The following HDAC9 variants were observed in gnomAD, a reference collection of about 807,000 sequenced individuals.
HDAC9 encodes MEF-2 interacting transcription repressor (MITR) protein.
Under a neutral mutation model 139.4 loss-of-function variants are expected in HDAC9, and 41 were observed. The ratio of observed to expected loss-of-function variants is 0.29; its 90% confidence interval spans 0.23 to 0.38. HDAC9 has a LOEUF of 0.38. HDAC9 is among the 10% of genes least tolerant of loss of function. The pLI, the probability that HDAC9 is intolerant of heterozygous loss-of-function variation, is 1.00. For synonymous variants in HDAC9, 517 were observed against 476.2 expected (o/e 1.09, Z -1.12); for missense variants, 1,147 against 1,297.0 (o/e 0.88, Z 1.78).
At chr7:18,667,311 AAC>A (rs1365002479) in intron 12 of HDAC9, 1 of 984,960 alleles carries the variant, frequency 1.0e-6, no homozygotes, top group East Asian at 1.1e-4. Flanking sequence ...AATTGCAAAA[AAC>A]ACAGTAACAG....
chr7:18,462,257 CT>C (rs1793916722), intron 1 of HDAC9, among the ~76,000 whole-genome samples: 1 of 152,078 alleles, frequency 6.6e-6, no homozygotes, highest in Admixed American at 6.6e-5. Flanking sequence ...CACACAGCCT[CT>C]TAGCTTCTTT....
At chr7:18,802,015 C>A (rs1047989899) in intron 17 of HDAC9, among the ~76,000 whole-genome samples, 1 of 151,680 alleles carries the variant, frequency 6.6e-6, no homozygotes, top group Non-Finnish European at 1.5e-5. Flanking sequence ...CAAACTTTGG[C>A]CTTTGTAGAT....
chr7:18,656,763 C>T (rs970437133), intron 11 of HDAC9, among the ~76,000 whole-genome samples: 21 of 152,106 alleles, frequency 1.4e-4, no homozygotes, highest in African/African-American at 5.1e-4. Flanking sequence ...GCAGATATCT[C>T]TTTGATATAC....
chr7:18,601,349 A>G (rs1454792741), intron 6 of HDAC9, among the ~76,000 whole-genome samples: 1 of 152,114 alleles, frequency 6.6e-6, no homozygotes, highest in Non-Finnish European at 1.5e-5. Flanking sequence ...CAGCTTATTC[A>G]TTGCCAGAGT....
At chr7:18,131,782 A>G (rs111633963) in intron 1 of HDAC9, among the ~76,000 whole-genome samples, 1 of 152,176 alleles carries the variant, frequency 6.6e-6, no homozygotes, top group African/African-American at 2.4e-5. Flanking sequence ...ACACTCCCTC[A>G]TGGAGAGCAG....
chr7:18,276,387 A>G (rs1796721541), intron 2 of HDAC9, among the ~76,000 whole-genome samples: 1 of 152,186 alleles, frequency 6.6e-6, no homozygotes, highest in Non-Finnish European at 1.5e-5. Flanking sequence ...AAAAACACAA[A>G]ACCTCCTATT....
chr7:18,846,527 C>T (rs774225108), intron 21 of HDAC9, among the ~76,000 whole-genome samples: 2 of 152,194 alleles, frequency 1.3e-5, no homozygotes, highest in African/African-American at 2.4e-5. Context: ...GCCATTAGAA[C>T]ATAATTACAT....
At chr7:18,987,718 G>A (rs1273926350) in intron 25 of HDAC9, among the ~76,000 whole-genome samples, 3 of 151,830 alleles carry the variant, frequency 2.0e-5, no homozygotes, top group East Asian at 3.9e-4. Context: ...TGGTTGGTAA[G>A]CTATTGATTA....
chr7:18,918,426 G>C (rs190121577), intron 22 of HDAC9, among the ~76,000 whole-genome samples: 83 of 152,038 alleles, frequency 5.5e-4, no homozygotes, highest in African/African-American at 1.8e-3. Context: ...AGATAAAACT[G>C]TTAATAACAG....
At chr7:18,980,714 C>T (rs1784860879) in intron 25 of HDAC9, among the ~76,000 whole-genome samples, 1 of 139,786 alleles carries the variant, frequency 7.2e-6, no homozygotes, top group Non-Finnish European at 1.6e-5. Context: ...CTTCCTTCTT[C>T]CTCTTCTTCT....
At chr7:18,544,598 G>A (rs1407656907) in intron 2 of HDAC9, among the ~76,000 whole-genome samples, 1 of 152,156 alleles carries the variant, frequency 6.6e-6, no homozygotes, top group Non-Finnish European at 1.5e-5. Flanking sequence ...TCTGAGGTCT[G>A]AACTCTGGGA....
intron 12 of HDAC9, among the ~76,000 whole-genome samples, chr7:18,678,788 G>C (rs965815965): frequency 2.0e-5 from 3 of 151,750 alleles, no homozygotes; most frequent in Non-Finnish European, 4.4e-5. Context: ...ATATTTTCCT[G>C]TTCTGTTTAA....
At chr7:18,091,043 A>G (rs1369403915) in intron 1 of HDAC9, among the ~76,000 whole-genome samples, 1 of 152,242 alleles carries the variant, frequency 6.6e-6, no homozygotes, top group Non-Finnish European at 1.5e-5. Flanking sequence ...AGAAGGAAGC[A>G]TTGTAATTCT....
At chr7:18,989,929 G>A (rs1225458189) in intron 25 of HDAC9, among the ~76,000 whole-genome samples, 5 of 151,546 alleles carry the variant, frequency 3.3e-5, no homozygotes, top group African/African-American at 4.9e-5. Flanking sequence ...ACTTCTCTGT[G>A]TTGGTTATTC....
Position 18,111,182 on chromosome 7 carries a change from T to G in HDAC9, c.-97+23969T>G, listed in dbSNP as rs147794621. 4.0e-3 allele frequency among the ~76,000 whole-genome samples: 611 copies of G among 152,344 alleles called. 2 individuals carry two copies. The highest frequency in any genetic ancestry group is 0.024 in the Middle Eastern group (7 of 294). The stretch of plus-strand genomic sequence containing the variant: ...AGACAGACGTAAATAATTACCCAAC[T>G]AATTACTTCATTAGTAAGTATAGAA... On this transcript the variant is annotated intron_variant, in intron 1 of 12. Transcript: ENST00000417496.
intron 24 of HDAC9, among the ~76,000 whole-genome samples, chr7:18,962,738 C>T (rs181914232): frequency 3.9e-5 from 6 of 152,226 alleles, no homozygotes; most frequent in Non-Finnish European, 7.4e-5. Context: ...GAGACTAGGA[C>T]GTACTAGAAG....
chr7:18,849,281 A>C (rs1193707123), intron 21 of HDAC9, among the ~76,000 whole-genome samples: 1 of 152,208 alleles, frequency 6.6e-6, no homozygotes. Context: ...CACTGATTAC[A>C]TGTGAGTGGT....
At chr7:18,096,883 TTGTGTGTGTGTGTGTGTG>T (rs59590063) in intron 1 of HDAC9, among the ~76,000 whole-genome samples, 14 of 145,218 alleles carry the variant, frequency 9.6e-5, no homozygotes, top group Non-Finnish European at 2.1e-4. Flanking sequence ...CTTGTTGGCT[TTGTGTGTGTGTGTGTGTG>T]TGTGTGTGTG....
chr7:18,806,084 G>C (rs1185181535), intron 17 of HDAC9, among the ~76,000 whole-genome samples: 1 of 152,030 alleles, frequency 6.6e-6, no homozygotes, highest in Non-Finnish European at 1.5e-5. Context: ...CTAAAAATGA[G>C]ACTATTTCTA....
Sources: allele counts gnomAD v4.1 joint callset (sites outside exome capture counted in the v4.1 genomes callset), GRCh38; gene constraint gnomAD v4.1.1; transcripts MANE v1.5; gene names NCBI Gene and HGNC (gene_info 2026-07-23, HGNC 2026-07-21).